The following CDH3 variants were observed in gnomAD, a reference collection of about 807,000 sequenced individuals.
CDH3 encodes cadherin-3.
Under a neutral mutation model 82.0 loss-of-function variants are expected in CDH3, and 54 were observed. That is an observed-to-expected ratio of 0.66 (90% CI 0.53 to 0.83). CDH3 has a LOEUF of 0.83. Ranked by LOEUF, CDH3 falls within the 40% of genes least tolerant of loss-of-function variation. The pLI is 0.00. For missense variants in CDH3, 1,054 were observed against 1,084.6 expected, an observed-to-expected ratio of 0.97 and a Z score of 0.40; for synonymous variants, 446 against 437.9, an observed-to-expected ratio of 1.02 and a Z score of -0.23.
intron 2 of CDH3, among the ~76,000 whole-genome samples, chr16:68,667,952 C>T (rs1045480725): frequency 6.6e-6 from 1 of 152,134 alleles, no homozygotes; most frequent in Non-Finnish European, 1.5e-5. Flanking sequence ...GTTAATTTCT[C>T]TAGAAGCAGC....
intron 2 of CDH3, among the ~76,000 whole-genome samples, chr16:68,652,817 T>C (rs1295683350): frequency 6.6e-6 from 1 of 152,200 alleles, no homozygotes; most frequent in East Asian, 1.9e-4. Context: ...CATACAATTA[T>C]CTTAGCTCTG....
intron 8 of CDH3, 151 bp downstream of exon 8, chr16:68,681,247 G>A (rs910471128): frequency 2.5e-5 from 20 of 786,730 alleles, no homozygotes; most frequent in Non-Finnish European, 4.2e-5. Flanking sequence ...ACCTCTCTGT[G>A]CCCCATTTCC....
chr16:68,712,037 CT>C (rs58452743), intron 1 of CDH3, among the ~76,000 whole-genome samples: 34,844 of 118,760 alleles, frequency 0.29, 4,285 homozygotes, highest in East Asian at 0.48. Flanking sequence ...TTTTTGTTTT[CT>C]TTTTTTTTTT....
chr16:68,670,117 G>A (rs1024377178), intron 2 of CDH3, among the ~76,000 whole-genome samples: 5 of 151,454 alleles, frequency 3.3e-5, no homozygotes, highest in South Asian at 2.1e-4. Context: ...CCAGCTACTC[G>A]GGAGGCTGAG....
downstream of CDH3, among the ~76,000 whole-genome samples, chr16:68,728,866 G>T (rs1430110519): frequency 6.6e-6 from 1 of 152,134 alleles, no homozygotes; most frequent in East Asian, 1.9e-4. Context: ...CAATGCTATG[G>T]GAGCGCCCGG....
chr16:68,712,037 CTTTTTT>C (rs58452743), intron 1 of CDH3, among the ~76,000 whole-genome samples: 2 of 119,416 alleles, frequency 1.7e-5, no homozygotes, highest in African/African-American at 6.3e-5. Flanking sequence ...TTTTTGTTTT[CTTTTTT>C]TTTTTTTTTT....
intron 2 of CDH3, among the ~76,000 whole-genome samples, chr16:68,664,254 T>G (rs1329721685): frequency 6.6e-6 from 1 of 152,174 alleles, no homozygotes; most frequent in Non-Finnish European, 1.5e-5. Context: ...GACATACTGA[T>G]TTCAGGATAT....
intron 1 of CDH3, among the ~76,000 whole-genome samples, chr16:68,710,912 A>G (rs1356828690): frequency 7.2e-6 from 1 of 138,808 alleles, no homozygotes; most frequent in South Asian, 2.5e-4. Context: ...GAAAGGAAGA[A>G]AGGAGAGAGG....
chr16:68,675,677 C>G (rs948844694), intron 2 of CDH3, among the ~76,000 whole-genome samples: 7 of 151,886 alleles, frequency 4.6e-5, no homozygotes, highest in African/African-American at 1.7e-4. Context: ...GCCTGTAACC[C>G]CAGCTACTCA....
At chr16:68,685,897 G>A (rs1961397930) in intron 11 of CDH3, among the ~76,000 whole-genome samples, 1 of 152,200 alleles carries the variant, frequency 6.6e-6, no homozygotes, top group African/African-American at 2.4e-5. Context: ...CAGGTGTGGT[G>A]ACTCAGGCCT....
intron 1 of CDH3, among the ~76,000 whole-genome samples, chr16:68,710,999 AAGGGGAGGGG>A (rs1238380029): frequency 7.9e-5 from 2 of 25,246 alleles, no homozygotes; most frequent in Admixed American, 5.5e-4. Context: ...GACGGGAGGA[AAGGGGAGGGG>A]AGGGGAGGGG....
intron 1 of CDH3, among the ~76,000 whole-genome samples, chr16:68,711,242 G>A (rs1246800091): frequency 1.3e-5 from 2 of 151,920 alleles, no homozygotes; most frequent in Non-Finnish European, 2.9e-5. Flanking sequence ...CCCAGAAGGC[G>A]GAGGTTGCCG....
chr16:68,732,954 G>C, the CDH3 span, among the ~76,000 whole-genome samples: 1 of 151,718 alleles, frequency 6.6e-6, no homozygotes, highest in African/African-American at 2.4e-5. Flanking sequence ...TAGTGGCGGG[G>C]GTGGGGGAAG....
At chr16:68,713,985 G>C (rs936037370) in intron 1 of CDH3, among the ~76,000 whole-genome samples, 3 of 151,922 alleles carry the variant, frequency 2.0e-5, no homozygotes, top group Non-Finnish European at 4.4e-5. Context: ...CCAGGCTGGA[G>C]TGCGGTGGCT....
At chr16:68,659,508 G>C (rs1960501042) in intron 2 of CDH3, among the ~76,000 whole-genome samples, 1 of 151,848 alleles carries the variant, frequency 6.6e-6, no homozygotes, top group African/African-American at 2.4e-5. Context: ...CTGGGAGATG[G>C]AGGTTGCAGT....
chr16:68,707,831 G>A lies in CDH3; in HGVS notation c.99+11908G>A, dbSNP rs1408236632. Among the ~76,000 whole-genome samples, 1 of 152,098 alleles carries A rather than the reference G, an allele frequency of 6.6e-6. No homozygotes were observed. Among genetic ancestry groups the A allele is most frequent in the African/African-American group, 2.4e-5 (1 of 41,414 alleles). The stretch of plus-strand genomic sequence containing the variant: ...TGTACCCACTGCCCAGCAAGCGGCA[G>A]GGGTGTGGCGGGCCGGGGAGGAATC... On this transcript the variant is annotated intron_variant, in intron 1 of 2. Coordinates refer to the CDH3 transcript ENST00000569080. The surrounding 1 kb of genome is among the most constrained non-coding windows in gnomAD (Gnocchi z 4.5).
At chr16:68,701,244 C>T (rs985947260), downstream of CDH3, among the ~76,000 whole-genome samples, 4 of 151,986 alleles carry the variant, frequency 2.6e-5, no homozygotes, top group African/African-American at 9.7e-5. Context: ...CACCAGCCCC[C>T]GAGAGGTTTA....
At chr16:68,652,035 G>T (rs1960265881) in intron 2 of CDH3, 1 of 203,824 alleles carries the variant, frequency 4.9e-6, no homozygotes, top group South Asian at 9.1e-5. Context: ...TGTGCTTATG[G>T]GCTGCCCTGC....
chr16:68,662,807 A>G lies in CDH3; in HGVS notation c.161-13578A>G, dbSNP rs551125797. Among the ~76,000 whole-genome samples, 95 of 148,818 alleles carry G rather than the reference A, an allele frequency of 6.4e-4. 1 individual carries two copies. The highest frequency in any genetic ancestry group is 2.2e-3 in the African/African-American group (87 of 40,434). On this transcript the variant is annotated intron_variant, in intron 2 of 15. Transcript: ENST00000264012. ...GTGATCCACCTGCCTCAGCCTCCCA[A>G]AGTGCTGGGATTACAGGTGTGAGCC...
Sources: gnomAD v4.1 joint callset for allele counts (sites outside exome capture counted in the v4.1 genomes callset) on GRCh38, gnomAD v4.1.1 for gene constraint, Gnocchi (gnomAD v3.1) non-coding constraint, MANE v1.5 for transcripts, NCBI Gene and HGNC (gene_info 2026-07-23, HGNC 2026-07-21) for gene names.